ZC3H6: variants seen among roughly 807,000 people sequenced by gnomAD.
The protein encoded by ZC3H6 is zinc finger CCCH domain-containing protein 6.
A neutral mutation model predicts 107.7 loss-of-function variants in ZC3H6; 40 were observed. The ratio of observed to expected loss-of-function variants is 0.37; its 90% confidence interval spans 0.29 to 0.48. The LOEUF (loss-of-function observed/expected upper bound fraction) is 0.48. ZC3H6 is among the 20% of genes least tolerant of loss of function. The probability of loss-of-function intolerance (pLI) is 0.98; values close to 1 mark genes in which losing one functional copy is unlikely to be tolerated. For missense variants in ZC3H6, 1,267 were observed against 1,410.4 expected (o/e 0.90, Z 1.63); for synonymous variants, 493 against 487.9 (o/e 1.01, Z -0.14).
chr2:112,285,411 C>T (rs2104694001), intron 1 of ZC3H6, among the ~76,000 whole-genome samples: 1 of 151,080 alleles, frequency 6.6e-6, no homozygotes, highest in African/African-American at 2.4e-5. Flanking sequence ...GGCTGGAGTG[C>T]AGTGGTGGGA....
At chr2:112,288,569 A>G (rs1443717011) in intron 1 of ZC3H6, among the ~76,000 whole-genome samples, 3 of 152,224 alleles carry the variant, frequency 2.0e-5, no homozygotes, top group Non-Finnish European at 4.4e-5. Context: ...TCATATAGGT[A>G]GTACTTTGGG....
At chr2:112,311,695 G>C (rs1558952918) in intron 4 of ZC3H6, 109 bp from the exon 5 acceptor site, 1 of 896,430 alleles carries the variant, frequency 1.1e-6, no homozygotes, top group East Asian at 2.9e-5. Context: ...GGAAAAAAAA[G>C]AATGCACTGT....
chr2:112,306,300 G>A (rs978248586), intron 3 of ZC3H6, among the ~76,000 whole-genome samples: 1 of 151,310 alleles, frequency 6.6e-6, no homozygotes, highest in Non-Finnish European at 1.5e-5. Context: ...AGCCTCCCAA[G>A]TAGCTGGGAC....
intron 3 of ZC3H6, among the ~76,000 whole-genome samples, chr2:112,308,823 G>A (rs1260280019): frequency 2.0e-5 from 3 of 151,248 alleles, no homozygotes; most frequent in Non-Finnish European, 4.4e-5. Flanking sequence ...GGAGGCTGAG[G>A]CAGGCGGATC....
At chr2:112,276,157 G>T in intron 1 of ZC3H6, 131 bp downstream of exon 1, 1 of 731,938 alleles carries the variant, frequency 1.4e-6, no homozygotes, top group Non-Finnish European at 2.1e-6. Context: ...TCCATGACGC[G>T]CACTCTTATG....
Position 112,312,717 on chromosome 2 carries a change from G to A in ZC3H6, c.747+780G>A, listed in dbSNP as rs190104549. 7.4e-4 allele frequency among the ~76,000 whole-genome samples: 112 copies of A among 152,158 alleles called. 1 individual carries two copies. The Middle Eastern group carries it at 0.014, about 18-fold the overall frequency. The stretch of plus-strand genomic sequence containing the variant: ...CTCTACAAAAATACAAGAATTTGTC[G>A]GATGTGGTGGTGCACATCTGTAGTC... On this transcript the variant is annotated intron_variant, in intron 5 of 11. Coordinates refer to ENST00000409871, the MANE Select transcript of ZC3H6 (RefSeq NM_198581.3).
In ZC3H6 at chr2:112,319,989, A is replaced by G. The variant is rs1281148931; in HGVS notation, c.977-1767A>G. On this transcript the variant is annotated intron_variant, in intron 7 of 11. Coordinates refer to ENST00000409871, the MANE Select transcript of ZC3H6 (RefSeq NM_198581.3). ...CTTTTGTTGCCCAGGCTGGAGTCCA[A>G]TGGCGCGTTCTCCGCTCACTGCAAC... is the stretch of plus-strand genomic sequence containing the variant. Among the ~76,000 whole-genome samples the G allele has an allele frequency of 2.0e-5, 3 of 152,222 alleles. No homozygotes were observed. In the East Asian group the frequency reaches 5.8e-4, roughly 29 times the overall value.
At chr2:112,314,639 T>G (rs1443091280) in intron 5 of ZC3H6, among the ~76,000 whole-genome samples, 1 of 152,166 alleles carries the variant, frequency 6.6e-6, no homozygotes, top group African/African-American at 2.4e-5. Flanking sequence ...TGCTCATTGA[T>G]TTTTGCATAA....
intron 1 of ZC3H6, among the ~76,000 whole-genome samples, chr2:112,296,859 G>T (rs1676247516): frequency 6.6e-6 from 1 of 152,182 alleles, no homozygotes; most frequent in South Asian, 2.1e-4. Flanking sequence ...TTGACATAAT[G>T]TACAGAGTGC....
rs1180741521 is a variant in ZC3H6, at chr2:112,275,927, T to G, written c.-68T>G. ...GTTCCCGCAGGCGGCGCGGGGGGTC[T>G]TCCCCGCGCCCCGCCGCCGCCGGCC... On this transcript the variant is annotated 5_prime_UTR_variant, in exon 1 of 12. Transcript: ENST00000409871. 1.3e-5 allele frequency: 19 copies of G among 1,426,128 alleles called. No individual in the cohort carries two copies. The highest frequency in any genetic ancestry group is 1.5e-5 in the Non-Finnish European group (16 of 1,066,838). The allele number at this position is 1,426,128 out of a possible 1,614,324, so 88.3% of individuals were successfully genotyped here.
chr2:112,314,426 A>G (rs1676653503), intron 5 of ZC3H6, among the ~76,000 whole-genome samples: 1 of 152,162 alleles, frequency 6.6e-6, no homozygotes, highest in African/African-American at 2.4e-5. Context: ...TTTAAGTGGA[A>G]CTAAACTAAA....
Position 112,321,817 on chromosome 2 carries a change from AT to A in ZC3H6, c.1042del (p.Ser348ProfsTer5). ...AATGTTACCAGGGAGACAACTGTAA[AT>A]TTTCCCATGATGATCTAACTAAAGA... The part of the protein sequence containing the change: ...AKCYQGDNCK[F>X]SHDDLTKETK... On this transcript the variant is annotated frameshift_variant, in exon 8 of 12. Coordinates refer to ENST00000409871, the MANE Select transcript of ZC3H6 (RefSeq NM_198581.3). LOFTEE classifies it high-confidence loss of function. The A allele has an allele frequency of 6.5e-7, 1 of 1,548,892 alleles. No individual in the cohort carries two copies.
At chr2:112,297,507 A>T (rs1430972766) in intron 1 of ZC3H6, among the ~76,000 whole-genome samples, 2 of 152,208 alleles carry the variant, frequency 1.3e-5, no homozygotes, top group Non-Finnish European at 2.9e-5. Flanking sequence ...ATTAAATGTT[A>T]AAATTGTTTT....
intron 1 of ZC3H6, among the ~76,000 whole-genome samples, chr2:112,291,211 A>G (rs1351305750): frequency 6.6e-6 from 1 of 152,214 alleles, no homozygotes; most frequent in Non-Finnish European, 1.5e-5. Context: ...GTGATTATTT[A>G]CATATTTTAT....
At chr2:112,318,421 A>T (rs556332948) in intron 7 of ZC3H6, among the ~76,000 whole-genome samples, 1 of 152,348 alleles carries the variant, frequency 6.6e-6, no homozygotes, top group Admixed American at 6.5e-5. Flanking sequence ...AAGAGGTCAT[A>T]TCCTTAATAT....
intron 3 of ZC3H6, among the ~76,000 whole-genome samples, chr2:112,304,082 G>T (rs1676432497): frequency 6.6e-6 from 1 of 152,068 alleles, no homozygotes; most frequent in Non-Finnish European, 1.5e-5. Context: ...TTTACATAAT[G>T]CCTGAGGGTT....
chr2:112,276,188 G>C (rs1686417019), intron 1 of ZC3H6, among the ~76,000 whole-genome samples, 162 bp downstream of exon 1: 2 of 147,926 alleles, frequency 1.4e-5, no homozygotes, highest in African/African-American at 2.4e-5. Context: ...GATCGCGGCC[G>C]CGGGGGAGGT....
chr2:112,319,645 CA>C (rs1187937504), intron 7 of ZC3H6, among the ~76,000 whole-genome samples: 78 of 133,538 alleles, frequency 5.8e-4, no homozygotes, highest in Non-Finnish European at 4.9e-4. Context: ...GACTCTGTCT[CA>C]AAAAAAAAAA....
At chr2:112,321,226 A>C (rs1256969685) in intron 7 of ZC3H6, among the ~76,000 whole-genome samples, 1 of 151,990 alleles carries the variant, frequency 6.6e-6, no homozygotes, top group Admixed American at 6.5e-5. Flanking sequence ...ATTTGCCTTT[A>C]ACATGACATA....
Sources: gnomAD v4.1 joint callset for allele counts (sites outside exome capture counted in the v4.1 genomes callset) on GRCh38, gnomAD v4.1.1 for gene constraint, MANE v1.5 for transcripts, NCBI Gene and HGNC (gene_info 2026-07-23, HGNC 2026-07-21) for gene names.